OTUD7A: variants seen among roughly 807,000 people sequenced by gnomAD.
The protein encoded by OTUD7A is OTU deubiquitinase 7A.
OTUD7A carries 12 observed loss-of-function variants against 65.7 expected under a neutral mutation model. The observed-to-expected ratio is 0.18, with a 90% CI of 0.12 to 0.30. OTUD7A has a LOEUF of 0.30. Among genes scored for constraint, OTUD7A ranks in the 10% least tolerant of loss-of-function variants. The pLI is 1.00. For synonymous variants in OTUD7A, 641 were observed against 586.3 expected (o/e 1.09, Z -1.35); for missense variants, 1,148 against 1,304.8 (o/e 0.88, Z 1.85).
At chr15:31,786,729 C>T (rs946097831) in intron 1 of OTUD7A, among the ~76,000 whole-genome samples, 1 of 152,104 alleles carries the variant, frequency 6.6e-6, no homozygotes, top group Non-Finnish European at 1.5e-5. Context: ...GGTATAGTTG[C>T]CTTGATCTGG....
chr15:31,578,088 C>T lies in OTUD7A; in HGVS notation c.152-7891G>A, dbSNP rs535390356. 2.6e-5 allele frequency among the ~76,000 whole-genome samples: 4 copies of T among 152,214 alleles called. No individual in the cohort carries two copies. In the East Asian group the frequency reaches 7.7e-4, roughly 29 times the overall value. ...CCCCCGACAACCATCTAAATAGGCT[C>T]CCTCCTTGGCCAGGGTACCCTAAAA... On this transcript the variant is annotated intron_variant, in intron 3 of 12. Transcript: ENST00000307050.
intron 5 of OTUD7A, among the ~76,000 whole-genome samples, chr15:31,535,538 C>A (rs1404511656): frequency 2.0e-5 from 3 of 152,060 alleles, no homozygotes; most frequent in African/African-American, 7.2e-5. Context: ...TTTATTTACC[C>A]AAGAGAAATG....
intron 5 of OTUD7A, among the ~76,000 whole-genome samples, chr15:31,555,182 C>T (rs1291074303): frequency 6.6e-6 from 1 of 152,092 alleles, no homozygotes; most frequent in Non-Finnish European, 1.5e-5. Flanking sequence ...TGAGTGAAGG[C>T]CACTGTTTGC....
chr15:31,571,480 G>A (rs1358587654), intron 3 of OTUD7A, among the ~76,000 whole-genome samples: 1 of 152,180 alleles, frequency 6.6e-6, no homozygotes, highest in African/African-American at 2.4e-5. Flanking sequence ...CTAGGGCCTG[G>A]TTTTGAGCCC....
At chr15:31,620,040 T>A (rs950886756) in intron 3 of OTUD7A, among the ~76,000 whole-genome samples, 1 of 152,182 alleles carries the variant, frequency 6.6e-6, no homozygotes, top group Non-Finnish European at 1.5e-5. Context: ...GGTTTTTGTC[T>A]TTGGTTCTGT....
chr15:31,607,179 T>C (rs768846546), intron 3 of OTUD7A, among the ~76,000 whole-genome samples: 49 of 152,226 alleles, frequency 3.2e-4, no homozygotes, highest in Non-Finnish European at 6.8e-4. Context: ...ATTGGGAATA[T>C]TGCCAGTGAC....
chr15:31,481,580 TAATA>T lies in OTUD7A; in HGVS notation c.*1710_*1713del, dbSNP rs2041120000. On this transcript the variant is annotated 3_prime_UTR_variant, in exon 13 of 13. Coordinates refer to ENST00000307050, the MANE Select transcript of OTUD7A (RefSeq NM_001382637.1). ...CAAAAAATTTCTTAAAGATCCTATT[TAATA>T]AATAATTTTTGATTTAAGGAACCAC... is the stretch of plus-strand genomic sequence containing the variant. 1 of 152,214 alleles carries T rather than the reference TAATA, an allele frequency of 6.6e-6. No individual in the cohort carries two copies. The highest frequency in any genetic ancestry group is 6.5e-5 in the Admixed American group (1 of 15,288). 9.4% of individuals were successfully genotyped at this position (152,214 alleles called of 1,614,324 possible).
At chr15:31,723,130 C>T (rs1209288713) in intron 1 of OTUD7A, among the ~76,000 whole-genome samples, 3 of 152,162 alleles carry the variant, frequency 2.0e-5, no homozygotes, top group Admixed American at 1.3e-4. Flanking sequence ...GAGGCAAGGA[C>T]CTGGAGCCCA....
intron 3 of OTUD7A, among the ~76,000 whole-genome samples, chr15:31,617,191 G>C (rs558463755): frequency 6.6e-6 from 1 of 152,100 alleles, no homozygotes; most frequent in Non-Finnish European, 1.5e-5. Context: ...GAAAGACTTA[G>C]AATAATCGAT....
chr15:31,646,379 A>G (rs12439640), intron 3 of OTUD7A, among the ~76,000 whole-genome samples: 24,528 of 151,414 alleles, frequency 0.16, 2,134 homozygotes, highest in East Asian at 0.26. Flanking sequence ...CTGGCTTTCC[A>G]GAGAGGAAGT....
intron 1 of OTUD7A, among the ~76,000 whole-genome samples, chr15:31,797,245 G>A (rs147590387): frequency 1.6e-4 from 25 of 152,264 alleles, no homozygotes; most frequent in African/African-American, 5.5e-4. Context: ...AAAGCTGGGC[G>A]GGTGGAGGTG....
chr15:31,532,530 A>G (rs944651788), intron 5 of OTUD7A, among the ~76,000 whole-genome samples: 5 of 126,860 alleles, frequency 3.9e-5, no homozygotes, highest in Admixed American at 1.7e-4. Context: ...GAAAAATTAA[A>G]CTTAAAAAAA....
chr15:31,847,164 T>C (rs1291813626), intron 1 of OTUD7A, among the ~76,000 whole-genome samples: 1 of 152,230 alleles, frequency 6.6e-6, no homozygotes, highest in Non-Finnish European at 1.5e-5. Flanking sequence ...GTGATGGGGC[T>C]GCAGTGGACC....
chr15:31,621,283 C>G (rs1322565007), intron 3 of OTUD7A, among the ~76,000 whole-genome samples: 1 of 152,126 alleles, frequency 6.6e-6, no homozygotes, highest in East Asian at 1.9e-4. Flanking sequence ...TCTACTAGGT[C>G]TGCCTGCTGC....
chr15:31,749,702 C>A (rs1894577110), intron 1 of OTUD7A, among the ~76,000 whole-genome samples: 1 of 152,038 alleles, frequency 6.6e-6, no homozygotes. Context: ...GAAGTCCTAA[C>A]CAGAACGATC....
chr15:31,491,185 T>A (rs1323289290), intron 10 of OTUD7A, among the ~76,000 whole-genome samples: 1 of 150,410 alleles, frequency 6.6e-6, no homozygotes, highest in Non-Finnish European at 1.5e-5. Flanking sequence ...AGAACAAGAC[T>A]CAGATATGAC....
intron 8 of OTUD7A, among the ~76,000 whole-genome samples, chr15:31,511,049 T>C (rs1224821602): frequency 2.0e-5 from 2 of 101,434 alleles, no homozygotes; most frequent in South Asian, 6.2e-4. Flanking sequence ...TACATGTATA[T>C]CTATATGTAA....
chr15:31,700,488 G>A (rs1185181424), intron 1 of OTUD7A, among the ~76,000 whole-genome samples: 6 of 151,878 alleles, frequency 4.0e-5, no homozygotes, highest in South Asian at 2.1e-4. Flanking sequence ...CCTTGACTTC[G>A]CCCTCTCCAT....
At chr15:31,674,353 C>T (rs1892549996) in intron 1 of OTUD7A, among the ~76,000 whole-genome samples, 1 of 152,090 alleles carries the variant, frequency 6.6e-6, no homozygotes, top group Admixed American at 6.6e-5. Flanking sequence ...CAGTGGGAGG[C>T]TGATGAGAAT....
Sources: allele counts gnomAD v4.1 joint callset (sites outside exome capture counted in the v4.1 genomes callset), GRCh38; gene constraint gnomAD v4.1.1; transcripts MANE v1.5; gene names NCBI Gene and HGNC (gene_info 2026-07-23, HGNC 2026-07-21).